Variants in CD1B observed in about 807,000 individuals in gnomAD.
CD1B encodes the protein T-cell surface glycoprotein CD1b.
Under a neutral mutation model 39.8 loss-of-function variants are expected in CD1B, and 43 were observed. The ratio of observed to expected loss-of-function variants is 1.08; its 90% confidence interval spans 0.85 to 1.39. The LOEUF is 1.39. Ranked by LOEUF, CD1B falls within the 40% of genes most tolerant of loss-of-function variation. The pLI, the probability that CD1B is intolerant of heterozygous loss-of-function variation, is 0.00. For synonymous variants in CD1B, 192 were observed against 152.5 expected (o/e 1.26, Z -1.91); for missense variants, 495 against 403.8 (o/e 1.23, Z -1.94).
At chr1:158,326,457 A>T (rs772122847), downstream of CD1B, among the ~76,000 whole-genome samples, 3 of 152,208 alleles carry the variant, frequency 2.0e-5, no homozygotes, top group Non-Finnish European at 4.4e-5. Context: ...GGTTTATGAA[A>T]CATCAACTAA....
chr1:158,303,965 C>A, the CD1B span, among the ~76,000 whole-genome samples: 2 of 151,962 alleles, frequency 1.3e-5, no homozygotes, highest in African/African-American at 4.8e-5. Context: ...GGGGGTGCAA[C>A]CAAGATGGCC....
chr1:158,307,804 T>G, the CD1B span, among the ~76,000 whole-genome samples: 1 of 152,228 alleles, frequency 6.6e-6, no homozygotes, highest in South Asian at 2.1e-4. Flanking sequence ...CTAAAAACTC[T>G]CAATAAATTA....
At chr1:158,322,313 T>C in the CD1B span, among the ~76,000 whole-genome samples, 1 of 152,176 alleles carries the variant, frequency 6.6e-6, no homozygotes, top group Non-Finnish European at 1.5e-5. Context: ...CTTGGCTCAC[T>C]GCAACCTCTG....
At chr1:158,321,687 T>C in the CD1B span, among the ~76,000 whole-genome samples, 3 of 152,232 alleles carry the variant, frequency 2.0e-5, no homozygotes, top group Non-Finnish European at 4.4e-5. Flanking sequence ...TTATAGGTTT[T>C]TACTTTGTGG....
chr1:158,324,881 G>C (rs1398601664), downstream of CD1B, among the ~76,000 whole-genome samples: 3 of 152,088 alleles, frequency 2.0e-5, no homozygotes, highest in Non-Finnish European at 4.4e-5. Flanking sequence ...GAATTGACTT[G>C]AAAAGAATCT....
chr1:158,300,947 A>T, the CD1B span, among the ~76,000 whole-genome samples: 1 of 151,672 alleles, frequency 6.6e-6, no homozygotes, highest in Non-Finnish European at 1.5e-5. Context: ...TTTAATATAG[A>T]TGGGGTTTCA....
the CD1B span, among the ~76,000 whole-genome samples, chr1:158,316,170 A>T: frequency 9.2e-5 from 14 of 152,074 alleles, 2 homozygotes; most frequent in African/African-American, 3.1e-4. Flanking sequence ...TGAACTAAAA[A>T]TAGTTTTTTC....
the CD1B span, among the ~76,000 whole-genome samples, chr1:158,311,879 T>C: frequency 6.6e-3 from 1,005 of 152,332 alleles, 5 homozygotes; most frequent in South Asian, 0.025. Context: ...ACCAGTACCA[T>C]GCTGTTTTGG....
chr1:158,331,331 C>T, intron 1 of CD1B, 32 bp downstream of exon 1: 2 of 1,598,266 alleles, frequency 1.3e-6, no homozygotes, highest in South Asian at 1.1e-5. Context: ...AACCCCTGCA[C>T]CAGTGCTGGG....
At chr1:158,299,157 A>T in the CD1B span, among the ~76,000 whole-genome samples, 2 of 152,144 alleles carry the variant, frequency 1.3e-5, no homozygotes, top group African/African-American at 4.8e-5. Context: ...GGTTTGTCAT[A>T]AATAGGTCTT....
chr1:158,295,324 A>G, the CD1B span, among the ~76,000 whole-genome samples: 21 of 152,198 alleles, frequency 1.4e-4, no homozygotes, highest in Admixed American at 7.9e-4. Context: ...GTTGCCAAAC[A>G]CTAGGACTTA....
the CD1B span, among the ~76,000 whole-genome samples, chr1:158,308,504 A>G: frequency 1.3e-5 from 2 of 152,306 alleles, no homozygotes; most frequent in African/African-American, 2.4e-5. Context: ...ATGGAACCAA[A>G]AAGAGCCCGC....
chr1:158,329,588 A>G lies in CD1B; in HGVS notation c.668T>C (p.Val223Ala). The G allele has an allele frequency of 6.2e-7, 1 of 1,614,032 alleles. No homozygotes were observed. Among genetic ancestry groups the G allele is most frequent in the Non-Finnish European group, 8.5e-7 (1 of 1,180,018 alleles). Residue 223 changes from valine to alanine, a missense_variant, in exon 4 of 6, where the codon GTG becomes GCG. Coordinates refer to ENST00000368168, the MANE Select transcript of CD1B (RefSeq NM_001764.3). ...TGGGTAGAATCCTGAGACATGGCACACAAGCTGCAGACGGCCAGGTCCAGG... is the reference window on the plus strand; with the variant it reads ...TGGGTAGAATCCTGAGACATGGCACGCAAGCTGCAGACGGCCAGGTCCAGG... ...PSPGPGRLQL[V>A]CHVSGFYPKP...
chr1:158,299,017 T>G, the CD1B span, among the ~76,000 whole-genome samples: 1 of 152,174 alleles, frequency 6.6e-6, no homozygotes, highest in Non-Finnish European at 1.5e-5. Flanking sequence ...TTCTTTCTCT[T>G]GCCTGATTGC....
the CD1B span, among the ~76,000 whole-genome samples, chr1:158,322,539 G>A: frequency 1.3e-5 from 2 of 151,558 alleles, no homozygotes; most frequent in Non-Finnish European, 2.9e-5. Flanking sequence ...TAAAGTGGTG[G>A]GGTTACAGCC....
chr1:158,316,972 G>T, the CD1B span, among the ~76,000 whole-genome samples: 4 of 151,096 alleles, frequency 2.6e-5, no homozygotes, highest in Non-Finnish European at 5.9e-5. Context: ...ATTGATTTGC[G>T]TATATTGAAC....
the CD1B span, among the ~76,000 whole-genome samples, chr1:158,302,212 A>C: frequency 6.6e-6 from 1 of 152,210 alleles, no homozygotes; most frequent in South Asian, 2.1e-4. Flanking sequence ...TAAACAACGA[A>C]GTCAGAAATC....
chr1:158,306,526 C>A, the CD1B span, among the ~76,000 whole-genome samples: 6 of 152,124 alleles, frequency 3.9e-5, no homozygotes. Context: ...GTCAACGAGA[C>A]AGAAAGTTAA....
chr1:158,328,988 C>A lies in CD1B; in HGVS notation c.913G>T (p.Val305Phe). 1 of 1,613,696 alleles carries A rather than the reference C, an allele frequency of 6.2e-7. No homozygotes were observed. The highest frequency in any genetic ancestry group is 1.1e-5 in the South Asian group (1 of 91,060). ...WRNPTSIGSI[V>F]LAIIVPSLLL... ...AAGGAAGGCACTATTATTGCCAAAA[C>A]AATTGAGCCAATGGAGGTGGGGTTT... Residue 305 changes from valine (V) to phenylalanine (F), a missense_variant, in exon 5 of 6, where the codon GTT (valine) becomes TTT (phenylalanine). Coordinates refer to ENST00000368168, the MANE Select transcript of CD1B (RefSeq NM_001764.3).
Sources: gnomAD v4.1 joint callset for allele counts (sites outside exome capture counted in the v4.1 genomes callset) on GRCh38, gnomAD v4.1.1 for gene constraint, MANE v1.5 for transcripts, NCBI Gene and HGNC (gene_info 2026-07-23, HGNC 2026-07-21) for gene names.